LINGO2: variants seen among roughly 807,000 people sequenced by gnomAD.
LINGO2 encodes leucine-rich repeat and immunoglobulin-like domain-containing nogo receptor-interacting protein 2.
In LINGO2, 14 loss-of-function variants were observed where a neutral mutation model predicts 30.6. The observed-to-expected ratio is 0.46, with a 90% CI of 0.30 to 0.72. The LOEUF is 0.72. Ranked by LOEUF, LINGO2 falls within the 30% of genes least tolerant of loss-of-function variation. The pLI is 0.07. For missense variants in LINGO2, 729 were observed against 751.7 expected, an observed-to-expected ratio of 0.97 and a Z score of 0.35; for synonymous variants, 317 against 288.5, an observed-to-expected ratio of 1.10 and a Z score of -1.00.
At chr9:29,055,153 A>G in the LINGO2 span, among the ~76,000 whole-genome samples, 1 of 152,232 alleles carries the variant, frequency 6.6e-6, no homozygotes, top group African/African-American at 2.4e-5. Flanking sequence ...CAGGAGGCAG[A>G]CGTTGCAGTG....
intron 1 of LINGO2, among the ~76,000 whole-genome samples, chr9:28,654,057 T>G (rs1258423772): frequency 6.7e-6 from 1 of 149,376 alleles, no homozygotes; most frequent in African/African-American, 2.5e-5. Context: ...TAAATGACTA[T>G]GTATATAATG....
intron 4 of LINGO2, among the ~76,000 whole-genome samples, chr9:28,176,071 A>G (rs893279884): frequency 5.9e-5 from 9 of 152,214 alleles, no homozygotes; most frequent in African/African-American, 2.2e-4. Flanking sequence ...ATGACTTTCC[A>G]TAGTATTTAG....
At chr9:28,273,302 T>C (rs919564446) in intron 4 of LINGO2, among the ~76,000 whole-genome samples, 2 of 152,180 alleles carry the variant, frequency 1.3e-5, no homozygotes, top group Non-Finnish European at 2.9e-5. Context: ...TTACACTGGT[T>C]TTATGGCTGT....
intron 2 of LINGO2, among the ~76,000 whole-genome samples, chr9:28,440,217 G>C (rs1321641129): frequency 6.6e-6 from 1 of 152,086 alleles, no homozygotes; most frequent in Non-Finnish European, 1.5e-5. Flanking sequence ...GTGAATTGAA[G>C]CATCTGGAAT....
At chr9:28,933,516 T>C in the LINGO2 span, among the ~76,000 whole-genome samples, 1 of 68,740 alleles carries the variant, frequency 1.5e-5, no homozygotes, top group Non-Finnish European at 3.6e-5. Context: ...GAAGACAATA[T>C]AGAATATATC....
chr9:28,747,556 T>A, the LINGO2 span, among the ~76,000 whole-genome samples: 1 of 151,952 alleles, frequency 6.6e-6, no homozygotes, highest in Non-Finnish European at 1.5e-5. Context: ...CAGACACCCA[T>A]CCCTAGACAT....
At chr9:28,675,135 T>C (rs959652319), upstream of LINGO2, among the ~76,000 whole-genome samples, 1 of 152,176 alleles carries the variant, frequency 6.6e-6, no homozygotes, top group Non-Finnish European at 1.5e-5. Flanking sequence ...CCTCAAGAAA[T>C]AAATTATGTG....
At chr9:28,589,840 C>A (rs921039498) in intron 1 of LINGO2, among the ~76,000 whole-genome samples, 2 of 152,030 alleles carry the variant, frequency 1.3e-5, no homozygotes. Flanking sequence ...GCCCGCATTG[C>A]CAAGACAATC....
chr9:28,203,493 G>A (rs909738113), intron 4 of LINGO2, among the ~76,000 whole-genome samples: 1 of 152,090 alleles, frequency 6.6e-6, no homozygotes, highest in Non-Finnish European at 1.5e-5. Flanking sequence ...GGAGGAGTGA[G>A]GAGCTTGGAA....
intron 4 of LINGO2, among the ~76,000 whole-genome samples, chr9:28,069,793 C>T (rs894226069): frequency 2.6e-5 from 4 of 152,186 alleles, no homozygotes; most frequent in Non-Finnish European, 5.9e-5. Flanking sequence ...CTCCCCACTT[C>T]TATAGTGTGC....
At chr9:28,539,261 T>C (rs1175993178) in intron 1 of LINGO2, among the ~76,000 whole-genome samples, 1 of 152,100 alleles carries the variant, frequency 6.6e-6, no homozygotes, top group Non-Finnish European at 1.5e-5. Context: ...AGTTACAGAA[T>C]GGTAGATATT....
intron 4 of LINGO2, among the ~76,000 whole-genome samples, chr9:28,120,577 G>A (rs144050850): frequency 3.9e-5 from 6 of 152,220 alleles, no homozygotes; most frequent in African/African-American, 9.6e-5. Context: ...ACAAATACCC[G>A]CCTCCCTTTC....
chr9:28,458,382 T>C (rs1200258308), intron 2 of LINGO2, among the ~76,000 whole-genome samples: 3 of 152,154 alleles, frequency 2.0e-5, no homozygotes, highest in Non-Finnish European at 4.4e-5. Context: ...ATTAACTACA[T>C]TTTCTGTGAT....
the LINGO2 span, among the ~76,000 whole-genome samples, chr9:28,966,030 G>T: frequency 6.6e-6 from 1 of 152,252 alleles, no homozygotes; most frequent in South Asian, 2.1e-4. Context: ...CAGACCTATT[G>T]ATTTAGATAA....
intron 4 of LINGO2, among the ~76,000 whole-genome samples, chr9:28,070,282 G>A (rs900812429): frequency 4.6e-5 from 7 of 151,684 alleles, no homozygotes; most frequent in South Asian, 2.1e-4. Flanking sequence ...TTTTTCCTGC[G>A]GTTGGTTGGA....
intron 1 of LINGO2, among the ~76,000 whole-genome samples, chr9:28,510,056 G>A (rs1820308312): frequency 6.6e-6 from 1 of 152,210 alleles, no homozygotes; most frequent in Admixed American, 6.6e-5. Flanking sequence ...TTACTGCCCT[G>A]TATTTTAAGA....
At chr9:28,919,860 G>A in the LINGO2 span, among the ~76,000 whole-genome samples, 111,014 of 152,024 alleles carry the variant, frequency 0.73, 40,771 homozygotes, top group Non-Finnish European at 0.78. Context: ...TTAGACTTCT[G>A]CTAAACACAT....
the LINGO2 span, among the ~76,000 whole-genome samples, chr9:28,802,569 G>A: frequency 1.3e-5 from 2 of 151,640 alleles, no homozygotes; most frequent in East Asian, 3.9e-4. Context: ...TAATTTCAGT[G>A]GTAAGTCTAA....
intron 4 of LINGO2, among the ~76,000 whole-genome samples, chr9:28,199,031 T>C (rs1820119451): frequency 6.6e-6 from 1 of 152,210 alleles, no homozygotes; most frequent in Non-Finnish European, 1.5e-5. Context: ...CTAGATAATT[T>C]CTTTTCCATG....
Sources: gnomAD v4.1 joint callset for allele counts (sites outside exome capture counted in the v4.1 genomes callset) on GRCh38, gnomAD v4.1.1 for gene constraint, MANE v1.5 for transcripts, NCBI Gene and HGNC (gene_info 2026-07-23, HGNC 2026-07-21) for gene names.